Variants in SLC13A3 observed in about 807,000 individuals in gnomAD.
SLC13A3 encodes the protein Na(+)/dicarboxylate cotransporter 3.
Under a neutral mutation model 59.0 loss-of-function variants are expected in SLC13A3, and 40 were observed. That is an observed-to-expected ratio of 0.68 (90% CI 0.53 to 0.88). SLC13A3 has a LOEUF of 0.88. Among genes scored for constraint, SLC13A3 ranks in the 40% least tolerant of loss-of-function variants. SLC13A3 has a pLI of 0.00. For synonymous variants in SLC13A3, 317 were observed against 330.3 expected (o/e 0.96, Z 0.44); for missense variants, 699 against 783.2 (o/e 0.89, Z 1.28).
chr20:46,650,302 C>T (rs928279128), intron 1 of SLC13A3, among the ~76,000 whole-genome samples: 3 of 152,192 alleles, frequency 2.0e-5, no homozygotes, highest in African/African-American at 7.2e-5. Flanking sequence ...GACTGAATAC[C>T]GACATAGTCA....
At chr20:46,607,493 C>T (rs2062447718) in intron 3 of SLC13A3, among the ~76,000 whole-genome samples, 1 of 152,184 alleles carries the variant, frequency 6.6e-6, no homozygotes, top group Admixed American at 6.5e-5. Flanking sequence ...TGATCATTAA[C>T]CAATTCCTGC....
intron 1 of SLC13A3, among the ~76,000 whole-genome samples, chr20:46,667,679 G>A (rs1225223803): frequency 1.3e-5 from 2 of 152,142 alleles, no homozygotes; most frequent in Non-Finnish European, 2.9e-5. Flanking sequence ...GCTCGTTGCT[G>A]GGCAGGAGGT....
In SLC13A3 at chr20:46,558,480, T is replaced by C. The variant is rs2061902855; in HGVS notation, c.*1542A>G. The C allele has an allele frequency of 6.6e-6, 1 of 152,252 alleles. No homozygotes were observed. The allele number at this position is 152,252 out of a possible 1,614,324, so 9.4% of individuals were successfully genotyped here. On this transcript the variant is annotated 3_prime_UTR_variant, in exon 13 of 13. Transcript: ENST00000279027. The stretch of plus-strand genomic sequence containing the variant: ...TTTTGATCAGAAGTCTTAGAAATCA[T>C]GATTCATCTGGTTACAAATCCCATG...
Position 46,560,079 on chromosome 20 carries a change from C to T in SLC13A3, c.1752G>A (p.Ser584=), listed in dbSNP as rs771432524. The T allele has an allele frequency of 1.9e-5, 30 of 1,613,934 alleles. No individual in the cohort carries two copies. The highest frequency in any genetic ancestry group is 1.6e-4 in the Middle Eastern group (1 of 6,084). The change falls in exon 13 of 13, where the codon TCG becomes TCA. Residue 584 remains serine, a synonymous_variant. Coordinates refer to ENST00000279027, the MANE Select transcript of SLC13A3 (RefSeq NM_022829.6). ...GTFPDWADMY[S]VNVTALPPTL... Reference sequence around the variant, plus strand: ...TGGGTGGCAATGCTGTGACATTGACCGAGTACATATCAGCCCAGTCCGGGA... The same window carrying T: ...TGGGTGGCAATGCTGTGACATTGACTGAGTACATATCAGCCCAGTCCGGGA...
intron 1 of SLC13A3, among the ~76,000 whole-genome samples, chr20:46,635,663 A>G (rs995796592): frequency 9.9e-5 from 15 of 152,158 alleles, no homozygotes; most frequent in African/African-American, 3.6e-4. Flanking sequence ...TCCATCTTGA[A>G]CAGGAGCTGG....
At chr20:46,645,055 C>T (rs562986601) in intron 1 of SLC13A3, among the ~76,000 whole-genome samples, 4 of 152,320 alleles carry the variant, frequency 2.6e-5, no homozygotes, top group African/African-American at 7.2e-5. Context: ...GCTGGTTCCT[C>T]CTGGAAGCTC....
chr20:46,599,706 G>A (rs752993155), intron 4 of SLC13A3, among the ~76,000 whole-genome samples: 1 of 152,160 alleles, frequency 6.6e-6, no homozygotes, highest in Non-Finnish European at 1.5e-5. Flanking sequence ...CTTCTTTCAA[G>A]AGGAAAGTAC....
intron 8 of SLC13A3, chr20:46,585,461 C>A: frequency 1.0e-6 from 1 of 995,452 alleles, no homozygotes; most frequent in Non-Finnish European, 1.2e-6. Flanking sequence ...GATCACATTT[C>A]TGTTAAAAAA....
intron 1 of SLC13A3, among the ~76,000 whole-genome samples, chr20:46,619,853 G>A (rs1428089896): frequency 6.6e-6 from 1 of 152,208 alleles, no homozygotes; most frequent in African/African-American, 2.4e-5. Flanking sequence ...GTTCACAGAA[G>A]AGCAGAACAG....
intron 10 of SLC13A3, among the ~76,000 whole-genome samples, chr20:46,572,453 G>A (rs537699605): frequency 5.3e-4 from 81 of 152,192 alleles, no homozygotes; most frequent in African/African-American, 1.7e-3. Flanking sequence ...CCAGCGTCCC[G>A]CAGCCCAGCC....
rs1383406514 is a variant in SLC13A3 at position 46,613,645 on chromosome 20, C to T, written c.192G>A (p.Leu64=). The T allele has an allele frequency of 4.3e-6, 7 of 1,612,082 alleles. No individual in the cohort carries two copies. The highest frequency in any genetic ancestry group is 5.9e-6 in the Non-Finnish European group (7 of 1,179,134). ...TEALPLSVTA[L]LPIVLFPFMG... is the part of the protein sequence containing the mutation. The stretch of plus-strand genomic sequence containing the variant: ...TGAAGGGGAAGAGGACGATGGGCAG[C>T]AGCGCCGTCACTGAGAGCGGCAGGG... The change falls in exon 2 of 13, where the codon CTG becomes CTA. Residue 64 remains leucine (L), a synonymous_variant. Transcript: ENST00000279027.
intron 9 of SLC13A3, among the ~76,000 whole-genome samples, chr20:46,576,936 A>G (rs1382240747): frequency 6.6e-6 from 1 of 152,226 alleles, no homozygotes; most frequent in Non-Finnish European, 1.5e-5. Flanking sequence ...CCACAAGTGT[A>G]TGCAGCCCAC....
At chr20:46,683,660 CTT>C (rs1366539672) in intron 1 of SLC13A3, among the ~76,000 whole-genome samples, 2 of 152,204 alleles carry the variant, frequency 1.3e-5, no homozygotes, top group African/African-American at 2.4e-5. Flanking sequence ...GCGCTATTCT[CTT>C]TCTTTCAACT....
chr20:46,588,979 G>C (rs2062224046), intron 7 of SLC13A3, among the ~76,000 whole-genome samples, 181 bp downstream of exon 7: 1 of 152,148 alleles, frequency 6.6e-6, no homozygotes, highest in Non-Finnish European at 1.5e-5. Context: ...TTCTACCCCA[G>C]CACCACGGCA....
chr20:46,573,087 T>C (rs560182090), intron 10 of SLC13A3, among the ~76,000 whole-genome samples: 30 of 152,370 alleles, frequency 2.0e-4, no homozygotes, highest in African/African-American at 6.7e-4. Flanking sequence ...AACAGTACTT[T>C]TGCTCATCTA....
chr20:46,591,072 A>G (rs2122675644), intron 6 of SLC13A3, among the ~76,000 whole-genome samples: 1 of 151,832 alleles, frequency 6.6e-6, no homozygotes, highest in South Asian at 2.1e-4. Context: ...CTGGAGGCTG[A>G]GGCAGGAGAA....
intron 4 of SLC13A3, among the ~76,000 whole-genome samples, chr20:46,598,423 A>G (rs767862758): frequency 2.4e-4 from 37 of 152,266 alleles, no homozygotes; most frequent in Non-Finnish European, 4.7e-4. Flanking sequence ...TAGAGCAAAC[A>G]CTTTTTTGTT....
At chr20:46,565,718 T>C (rs2061974784) in intron 11 of SLC13A3, among the ~76,000 whole-genome samples, 1 of 152,126 alleles carries the variant, frequency 6.6e-6, no homozygotes, top group Non-Finnish European at 1.5e-5. Flanking sequence ...AGGAGACATT[T>C]GGATTGTCAT....
intron 10 of SLC13A3, among the ~76,000 whole-genome samples, chr20:46,571,324 T>G (rs2062026750): frequency 6.6e-6 from 1 of 152,194 alleles, no homozygotes; most frequent in African/African-American, 2.4e-5. Context: ...GAATACACAT[T>G]TTCTCCTTAC....
Sources: allele counts gnomAD v4.1 joint callset (sites outside exome capture counted in the v4.1 genomes callset), GRCh38; gene constraint gnomAD v4.1.1; transcripts MANE v1.5; gene names NCBI Gene and HGNC (gene_info 2026-07-23, HGNC 2026-07-21).